Variants in RALYL observed in about 807,000 individuals in gnomAD.
RALYL encodes RALY RNA binding protein like.
RALYL carries 29 observed loss-of-function variants against 35.1 expected under a neutral mutation model. The ratio of observed to expected loss-of-function variants is 0.83; its 90% CI spans 0.61 to 1.13. RALYL has a LOEUF of 1.13. Ranked by LOEUF, RALYL falls within the 50% of genes most tolerant of loss-of-function variation. The probability of loss-of-function intolerance (pLI) is 0.00; values close to 1 mark genes in which losing one functional copy is unlikely to be tolerated. For synonymous variants in RALYL, 120 were observed against 127.6 expected (o/e 0.94, Z 0.40); for missense variants, 359 against 360.4 (o/e 1.00, Z 0.03).
At chr8:84,543,435 A>G (rs1418901585) in intron 2 of RALYL, among the ~76,000 whole-genome samples, 4 of 151,988 alleles carry the variant, frequency 2.6e-5, no homozygotes, top group Non-Finnish European at 5.9e-5. Context: ...CTCACAAATC[A>G]CCACTAAAGA....
intron 1 of RALYL, among the ~76,000 whole-genome samples, chr8:84,457,858 C>T (rs899337489): frequency 6.6e-6 from 1 of 151,654 alleles, no homozygotes; most frequent in East Asian, 1.9e-4. Flanking sequence ...ATTATTACTC[C>T]TTACCACATT....
At position 84,652,948 on chromosome 8, in the gene RALYL, G is replaced by C. The variant is rs190703539; in HGVS notation, c.257-121631G>C. On this transcript the variant is annotated intron_variant, in intron 2 of 8. Transcript: ENST00000521268. ...CAATGTACTGGAAAACTAGAAATAT[G>C]GTTTCTACTTTAAATGCTTAAAGAA... is the stretch of plus-strand genomic sequence containing the variant. 1.3e-3 allele frequency among the ~76,000 whole-genome samples: 198 copies of C among 152,096 alleles called. 3 individuals carry two copies. The East Asian group carries it at 0.026, about 20-fold the overall frequency.
chr8:84,249,700 A>ATTGGCT (rs1180789125), intron 1 of RALYL, among the ~76,000 whole-genome samples: 1 of 152,050 alleles, frequency 6.6e-6, no homozygotes, highest in Admixed American at 6.6e-5. Context: ...ATGCCTCTAG[A>ATTGGCT]TTGTTTTCAA....
chr8:84,313,613 G>T (rs1301721864), intron 1 of RALYL, among the ~76,000 whole-genome samples: 2 of 152,140 alleles, frequency 1.3e-5, no homozygotes, highest in Non-Finnish European at 2.9e-5. Context: ...GTTCAAATTT[G>T]CATAGATCTC....
chr8:84,693,862 A>G (rs1838585309), intron 2 of RALYL, among the ~76,000 whole-genome samples: 1 of 151,920 alleles, frequency 6.6e-6, no homozygotes, highest in East Asian at 1.9e-4. Context: ...AAGGAGAAAA[A>G]CCATATGATC....
intron 4 of RALYL, among the ~76,000 whole-genome samples, chr8:84,805,392 G>A (rs1586411637): frequency 6.6e-6 from 1 of 152,132 alleles, no homozygotes; most frequent in South Asian, 2.1e-4. Context: ...ATATCTTTAA[G>A]AATAATATAT....
chr8:84,458,669 T>C (rs1287106225), intron 1 of RALYL, among the ~76,000 whole-genome samples: 4 of 151,736 alleles, frequency 2.6e-5, no homozygotes, highest in African/African-American at 9.7e-5. Flanking sequence ...AAAAGGTAAA[T>C]CAAAGTTGGA....
intron 2 of RALYL, among the ~76,000 whole-genome samples, chr8:84,659,075 G>A (rs765873531): frequency 6.6e-6 from 1 of 152,168 alleles, no homozygotes; most frequent in African/African-American, 2.4e-5. Context: ...TAGGCATAAT[G>A]TTTAATGGCA....
At chr8:84,412,108 C>G (rs17842481) in intron 1 of RALYL, among the ~76,000 whole-genome samples, 4,522 of 151,782 alleles carry the variant, frequency 0.03, 221 homozygotes, top group African/African-American at 0.1. Context: ...TCTATTGAAA[C>G]CCTATTGAAA....
At chr8:84,866,645 G>C (rs1839224678) in intron 6 of RALYL, among the ~76,000 whole-genome samples, 1 of 152,080 alleles carries the variant, frequency 6.6e-6, no homozygotes, top group African/African-American at 2.4e-5. Flanking sequence ...TCTGAGGATT[G>C]AATGAGCCAG....
intron 2 of RALYL, among the ~76,000 whole-genome samples, chr8:84,673,957 A>G (rs1303604451): frequency 6.6e-6 from 1 of 152,196 alleles, no homozygotes; most frequent in East Asian, 1.9e-4. Flanking sequence ...GAATCTACAA[A>G]TTGCTTTGGG....
Position 84,529,421 on chromosome 8 carries a change from A to G in RALYL, c.100A>G (p.Lys34Glu). The G allele has an allele frequency of 1.2e-6, 2 of 1,613,322 alleles. No homozygotes were observed. The highest frequency in any genetic ancestry group is 1.1e-5 in the South Asian group (1 of 90,982). Residue 34 changes from lysine to glutamate, a missense_variant, in exon 2 of 9, where the codon AAG becomes GAG. Transcript: ENST00000521268. ...FIGNLNTAIV[K>E]KVDIEAIFSK... is the part of the protein sequence containing the mutation. ...CGGCAATCTAAATACGGCAATTGTC[A>G]AGAAAGTTGACATTGAAGCCATTTT...
At chr8:84,712,079 T>A (rs1165507953) in intron 2 of RALYL, among the ~76,000 whole-genome samples, 1 of 152,184 alleles carries the variant, frequency 6.6e-6, no homozygotes, top group Non-Finnish European at 1.5e-5. Flanking sequence ...TTAAATTCAA[T>A]CTTTGATTTC....
chr8:84,840,715 G>A (rs569714631), intron 4 of RALYL, among the ~76,000 whole-genome samples: 1 of 152,300 alleles, frequency 6.6e-6, no homozygotes, highest in African/African-American at 2.4e-5. Flanking sequence ...GGCAGCCAGA[G>A]AAAAAGGTAG....
chr8:84,285,427 A>G (rs977842091), intron 1 of RALYL, among the ~76,000 whole-genome samples: 2 of 152,176 alleles, frequency 1.3e-5, no homozygotes, highest in Non-Finnish European at 2.9e-5. Context: ...ACATCTTCCA[A>G]TTTTTTAAGA....
At chr8:84,499,219 A>C (rs2134184438) in intron 1 of RALYL, among the ~76,000 whole-genome samples, 1 of 152,202 alleles carries the variant, frequency 6.6e-6, no homozygotes, top group East Asian at 1.9e-4. Context: ...CCCAATAGGT[A>C]ATTTTTCAAC....
At chr8:84,411,106 C>T (rs1358706476) in intron 1 of RALYL, among the ~76,000 whole-genome samples, 5 of 151,820 alleles carry the variant, frequency 3.3e-5, no homozygotes, top group African/African-American at 7.2e-5. Flanking sequence ...ATAATCAGAA[C>T]AAATTTTCTC....
intron 1 of RALYL, among the ~76,000 whole-genome samples, chr8:84,347,074 G>T (rs898286956): frequency 2.0e-5 from 3 of 151,798 alleles, no homozygotes; most frequent in Non-Finnish European, 4.4e-5. Flanking sequence ...GGTAACAGGT[G>T]CCTGTAAACC....
chr8:84,734,970 T>C (rs1846958142), intron 2 of RALYL, among the ~76,000 whole-genome samples: 1 of 151,500 alleles, frequency 6.6e-6, no homozygotes, highest in African/African-American at 2.4e-5. Flanking sequence ...AATATATATA[T>C]ATGTCACTGA....
Sources: gnomAD v4.1 joint callset for allele counts (sites outside exome capture counted in the v4.1 genomes callset) on GRCh38, gnomAD v4.1.1 for gene constraint, MANE v1.5 for transcripts, NCBI Gene and HGNC (gene_info 2026-07-23, HGNC 2026-07-21) for gene names.